Variants in SLC71A1 observed in about 807,000 individuals in gnomAD.
SLC71A1 encodes the protein hippocampus abundant gene transcript 1.
At chr1:100,050,113 A>G in the SLC71A1 span, 1 of 636,396 alleles carries the variant, frequency 1.6e-6, no homozygotes, top group East Asian at 2.7e-5. Context: ...TCCCACCAGT[A>G]TTGTTCAGTA....
the SLC71A1 span, among the ~76,000 whole-genome samples, chr1:100,038,751 A>G: frequency 1.3e-5 from 2 of 152,162 alleles, no homozygotes; most frequent in African/African-American, 2.4e-5. Context: ...CTGCTCTCCC[A>G]TATGTTGCTA....
chr1:100,078,674 AT>A, the SLC71A1 span: 3 of 644,658 alleles, frequency 4.7e-6, no homozygotes, highest in Non-Finnish European at 8.0e-6. Flanking sequence ...TGCTTTTGAT[AT>A]AAACAGGAAA....
chr1:100,069,676 T>C, the SLC71A1 span: 1 of 1,607,974 alleles, frequency 6.2e-7, no homozygotes, highest in Non-Finnish European at 8.5e-7. Context: ...TTCTTTCCAT[T>C]ATTGCACAGG....
the SLC71A1 span, among the ~76,000 whole-genome samples, chr1:100,064,169 T>A: frequency 2.0e-5 from 3 of 152,164 alleles, no homozygotes; most frequent in Non-Finnish European, 2.9e-5. Flanking sequence ...TGAGACGGAG[T>A]CTCGCTCTGT....
chr1:100,052,330 G>C, the SLC71A1 span, among the ~76,000 whole-genome samples: 1 of 151,988 alleles, frequency 6.6e-6, no homozygotes, highest in Non-Finnish European at 1.5e-5. Flanking sequence ...GTTGGACAAA[G>C]GGAGGCTATC....
the SLC71A1 span, among the ~76,000 whole-genome samples, chr1:100,077,652 T>C: frequency 6.6e-6 from 1 of 152,336 alleles, no homozygotes; most frequent in South Asian, 2.1e-4. Context: ...GAAAGTTGTA[T>C]AACCAGTGAT....
chr1:100,067,868 A>AG, the SLC71A1 span: 3 of 816,780 alleles, frequency 3.7e-6, no homozygotes, highest in Non-Finnish European at 6.2e-6. Flanking sequence ...GAGAAAAGGG[A>AG]GGGTGTGCAA....
chr1:100,059,542 A>T, the SLC71A1 span, among the ~76,000 whole-genome samples: 37 of 151,076 alleles, frequency 2.4e-4, no homozygotes, highest in Non-Finnish European at 4.4e-4. Context: ...TATATGTTTT[A>T]TGTTTTATAT....
the SLC71A1 span, among the ~76,000 whole-genome samples, chr1:100,060,386 C>T: frequency 6.6e-6 from 1 of 152,148 alleles, no homozygotes; most frequent in Admixed American, 6.6e-5. Flanking sequence ...TGCTATATAT[C>T]AAAACCCAAA....
At chr1:100,068,417 T>C in the SLC71A1 span, 66 of 1,196,322 alleles carry the variant, frequency 5.5e-5, no homozygotes, top group South Asian at 1.3e-5. Flanking sequence ...TTCTTAAGAA[T>C]AGTTCAGTGG....
the SLC71A1 span, chr1:100,043,241 A>G: frequency 4.3e-6 from 4 of 932,668 alleles, no homozygotes; most frequent in African/African-American, 1.8e-5. Flanking sequence ...TAACATTCTG[A>G]CAAGTCTGTA....
the SLC71A1 span, among the ~76,000 whole-genome samples, chr1:100,077,590 C>T: frequency 6.6e-6 from 1 of 152,154 alleles, no homozygotes; most frequent in African/African-American, 2.4e-5. Context: ...AATCCCATAG[C>T]AACAAGGCCC....
the SLC71A1 span, among the ~76,000 whole-genome samples, chr1:100,067,276 C>T: frequency 2.0e-5 from 3 of 152,128 alleles, no homozygotes; most frequent in African/African-American, 2.4e-5. Flanking sequence ...TGCGGTCTCA[C>T]TCTGTCACCC....
At chr1:100,060,841 T>C in the SLC71A1 span, among the ~76,000 whole-genome samples, 3 of 152,016 alleles carry the variant, frequency 2.0e-5, no homozygotes, top group African/African-American at 7.2e-5. Context: ...TGGTTGTAGA[T>C]TTATAGATTT....
At chr1:100,055,817 A>C in the SLC71A1 span, among the ~76,000 whole-genome samples, 6,612 of 152,146 alleles carry the variant, frequency 0.043, 330 homozygotes, top group African/African-American at 0.12. Flanking sequence ...CAGTGGCGCG[A>C]TCTCAGCTTA....
the SLC71A1 span, chr1:100,059,804 A>C: frequency 3.0e-6 from 4 of 1,325,456 alleles, no homozygotes; most frequent in Non-Finnish European, 4.0e-6. Flanking sequence ...ATTTTTCTAT[A>C]GGAGTAAAAT....
the SLC71A1 span, among the ~76,000 whole-genome samples, chr1:100,046,050 G>A: frequency 3.9e-5 from 6 of 151,958 alleles, no homozygotes; most frequent in East Asian, 3.9e-4. Context: ...CTTCGGTGCC[G>A]TTGTCAAAAA....
chr1:100,068,261 T>C, the SLC71A1 span: 1 of 1,265,652 alleles, frequency 7.9e-7, no homozygotes. Context: ...ATTAATATTT[T>C]GTTGTGGATA....
the SLC71A1 span, chr1:100,062,122 A>G: frequency 4.0e-6 from 2 of 498,412 alleles, no homozygotes; most frequent in Non-Finnish European, 7.0e-6. Flanking sequence ...GTATGAGGCT[A>G]TGTAAGTTTT....
Sources: gnomAD v4.1 joint callset for allele counts (sites outside exome capture counted in the v4.1 genomes callset) on GRCh38, gnomAD v4.1.1 for gene constraint, MANE v1.5 for transcripts, NCBI Gene and HGNC (gene_info 2026-07-23, HGNC 2026-07-21) for gene names.